Variants in TTLL10 observed in about 807,000 individuals in gnomAD.
The protein encoded by TTLL10 is inactive polyglycylase TTLL10.
Under a neutral mutation model 69.0 loss-of-function variants are expected in TTLL10, and 61 were observed. The ratio of observed to expected loss-of-function variants is 0.88; its 90% confidence interval spans 0.72 to 1.09. The LOEUF (loss-of-function observed/expected upper bound fraction) is 1.09, where lower values mean the gene tolerates loss of function less well. Among genes scored for constraint, TTLL10 ranks in the 50% least tolerant of loss-of-function variants. The pLI is 0.00. For synonymous variants in TTLL10, 408 were observed against 393.3 expected (o/e 1.04, Z -0.44); for missense variants, 962 against 945.9 (o/e 1.02, Z -0.22).
At position 1,177,335 on chromosome 1, in the gene TTLL10, G is replaced by A. The variant is rs576684001; in HGVS notation, c.-27-1854G>A. 2.9e-3 allele frequency among the ~76,000 whole-genome samples: 443 copies of A among 151,322 alleles called. 1 individual carries two copies. Among genetic ancestry groups the A allele is most frequent in the African/African-American group, 9.6e-3 (395 of 41,244 alleles). ...GTGTCATTCTTTTTTTTTTTGAGAC[G>A]GAGTCTCGCTCTGTCGCCCAGGCTG... On this transcript the variant is annotated intron_variant, in intron 3 of 15. Coordinates refer to ENST00000379289, the MANE Select transcript of TTLL10 (RefSeq NM_001130045.2).
chr1:1,185,375 C>A lies in TTLL10; in HGVS notation c.1401+266C>A, dbSNP rs369370311. 2.5e-4 allele frequency: 335 copies of A among 1,323,338 alleles called. No homozygotes were observed. Among genetic ancestry groups the A allele is most frequent in the Non-Finnish European group, 3.0e-4 (316 of 1,038,468 alleles). 82.0% of individuals were successfully genotyped at this position (1,323,338 alleles called of 1,614,324 possible). ...CCCGCGGGCAGCCTCGCCGTAGGGT[C>A]AGGGGACAGCTCGGCTTCAGTGACA... On this transcript the variant is annotated intron_variant, in intron 13 of 15. Coordinates refer to ENST00000379289, the MANE Select transcript of TTLL10 (RefSeq NM_001130045.2). The surrounding 1 kb of genome is among the most constrained non-coding windows in gnomAD (Gnocchi z 6.1).
At position 1,182,453 on chromosome 1, in the gene TTLL10, C is replaced by T. The variant is rs370081391; in HGVS notation, c.916+7C>T. Reference sequence around the variant, plus strand: ...TTTTTCACCTTGTTTGATGGTGAGACGCTGCTGGCCGGACACCAGGCTGGC... The same window carrying T: ...TTTTTCACCTTGTTTGATGGTGAGATGCTGCTGGCCGGACACCAGGCTGGC... On this transcript the variant is annotated splice_region_variant and intron_variant, in intron 10 of 15. Transcript: ENST00000379289. 83 of 1,613,398 alleles carry T rather than the reference C, an allele frequency of 5.1e-5. No homozygotes were observed. The highest frequency in any genetic ancestry group is 8.0e-5 in the African/African-American group (6 of 74,912).
Position 1,179,746 on chromosome 1 carries a change from G to C in TTLL10, c.199+9G>C. 1 of 1,544,538 alleles carries C rather than the reference G, an allele frequency of 6.5e-7. No individual in the cohort carries two copies. Among genetic ancestry groups the C allele is most frequent in the Non-Finnish European group, 8.7e-7 (1 of 1,144,356 alleles). ...AGGCCACTGCCCTGTTGGTGAGGAG[G>C]GTCGGAGGGGCGACCTCCCTGCCCC... On this transcript the variant is annotated intron_variant, in intron 5 of 15. Coordinates refer to ENST00000379289, the MANE Select transcript of TTLL10 (RefSeq NM_001130045.2).
In TTLL10 at chr1:1,182,563, C is replaced by T. The variant is rs528267531; in HGVS notation, c.916+117C>T. 14 of 1,112,614 alleles carry T rather than the reference C, an allele frequency of 1.3e-5. No homozygotes were observed. The East Asian group carries it at 3.1e-4, about 25-fold the overall frequency. 68.9% of individuals were successfully genotyped at this position (1,112,614 alleles called of 1,614,324 possible). ...CTGGAGGGGCTGCGTGGGGCTGGGA[C>T]GAGACGAGGTGGTCAGGAAGGGGCC... On this transcript the variant is annotated intron_variant, in intron 10 of 15. Coordinates refer to ENST00000379289, the MANE Select transcript of TTLL10 (RefSeq NM_001130045.2).
At chr1:1,184,138 A>C (rs1220634040) in intron 12 of TTLL10, 47 bp downstream of exon 12, 1 of 1,611,990 alleles carries the variant, frequency 6.2e-7, no homozygotes, top group East Asian at 2.2e-5. Context: ...TTGGGATGAG[A>C]TTAGAAGGAG....
Sources: gnomAD v4.1 joint callset for allele counts (sites outside exome capture counted in the v4.1 genomes callset) on GRCh38, gnomAD v4.1.1 for gene constraint, Gnocchi (gnomAD v3.1) non-coding constraint, MANE v1.5 for transcripts, NCBI Gene and HGNC (gene_info 2026-07-23, HGNC 2026-07-21) for gene names.